STT3B: variants seen among roughly 807,000 people sequenced by gnomAD.
The protein encoded by STT3B is dolichyl-diphosphooligosaccharide--protein glycosyltransferase subunit STT3B.
In STT3B, 29 loss-of-function variants were observed where a neutral mutation model predicts 96.8. The ratio of observed to expected loss-of-function variants is 0.30; its 90% CI spans 0.22 to 0.41. The LOEUF (loss-of-function observed/expected upper bound fraction) is 0.41, where lower values mean the gene tolerates loss of function less well. STT3B is among the 10% of genes least tolerant of loss of function. The pLI, the probability that STT3B is intolerant of heterozygous loss-of-function variation, is 1.00. For missense variants in STT3B, 640 were observed against 1,022.3 expected (o/e 0.63, Z 5.10); for synonymous variants, 367 against 360.0 (o/e 1.02, Z -0.22).
At chr3:31,553,019 G>A (rs1163929121) in intron 1 of STT3B, among the ~76,000 whole-genome samples, 33 of 150,538 alleles carry the variant, frequency 2.2e-4, no homozygotes, top group African/African-American at 7.1e-4. Flanking sequence ...GGAGAATGGC[G>A]TGAACCCGGG....
chr3:31,538,825 T>A (rs1490675029), intron 1 of STT3B, among the ~76,000 whole-genome samples: 2 of 152,158 alleles, frequency 1.3e-5, no homozygotes, highest in African/African-American at 2.4e-5. Flanking sequence ...GCTTTTTGTA[T>A]TTAAACCAGT....
At chr3:31,555,450 C>G (rs1383727126) in intron 1 of STT3B, among the ~76,000 whole-genome samples, 1 of 152,106 alleles carries the variant, frequency 6.6e-6, no homozygotes, top group African/African-American at 2.4e-5. Flanking sequence ...TGTTGATACA[C>G]TTAATCAAAA....
intron 1 of STT3B, among the ~76,000 whole-genome samples, chr3:31,567,533 C>T (rs1414692439): frequency 6.6e-6 from 1 of 152,138 alleles, no homozygotes; most frequent in East Asian, 1.9e-4. Flanking sequence ...TGTTCTTCCA[C>T]TTAATTTATT....
intron 1 of STT3B, among the ~76,000 whole-genome samples, chr3:31,535,444 T>G (rs1697065733): frequency 6.6e-6 from 1 of 151,994 alleles, no homozygotes; most frequent in African/African-American, 2.4e-5. Context: ...TATGTTTTGG[T>G]CGGGCGCGGT....
At position 31,553,608 on chromosome 3, in the gene STT3B, C is replaced by T. The variant is rs80156381; in HGVS notation, c.314+20296C>T. Among the ~76,000 whole-genome samples, 948 of 152,180 alleles carry T rather than the reference C, an allele frequency of 6.2e-3. 17 individuals are homozygous for T. The highest frequency in any genetic ancestry group is 0.021 in the African/African-American group (879 of 41,500). On this transcript the variant is annotated intron_variant, in intron 1 of 15. Coordinates refer to ENST00000295770, the MANE Select transcript of STT3B (RefSeq NM_178862.3). Reference sequence around the variant, plus strand: ...TCAAAGTATGCTTGGAAAGAAGTGCCTAAAGGTGCATGTGGGAACTTTCAT... The same window carrying T: ...TCAAAGTATGCTTGGAAAGAAGTGCTTAAAGGTGCATGTGGGAACTTTCAT...
At chr3:31,622,070 A>G (rs778721341) in intron 9 of STT3B, 27 bp from the exon 10 acceptor site, 12 of 1,598,326 alleles carry the variant, frequency 7.5e-6, no homozygotes, top group Admixed American at 3.3e-5. Flanking sequence ...TCCCTCCAAC[A>G]TATTGTAAGA....
intron 5 of STT3B, among the ~76,000 whole-genome samples, chr3:31,606,408 A>C (rs1699055246): frequency 6.6e-6 from 1 of 152,204 alleles, no homozygotes; most frequent in East Asian, 1.9e-4. Context: ...GGCCAGGCCC[A>C]GGACCCTCCC....
Position 31,620,274 on chromosome 3 carries a change from CA to C in STT3B, c.1327+461del, listed in dbSNP as rs536047611. The stretch of plus-strand genomic sequence containing the variant: ...TGGGAATCAGAGCGGGACTCTGTCT[CA>C]AAAAAAAAAAAAAAAAGAAAAAAAT... On this transcript the variant is annotated intron_variant, in intron 9 of 15. Transcript: ENST00000295770. 8.4e-3 allele frequency: 677 copies of C among 81,054 alleles called. 4 individuals are homozygous for C. The highest frequency in any genetic ancestry group is 0.026 in the African/African-American group (488 of 18,498). 5.0% of individuals were successfully genotyped at this position (81,054 alleles called of 1,614,324 possible). A position where few individuals can be genotyped will look rare whatever the true frequency, so the allele number is the denominator to read the frequency against.
At chr3:31,546,156 C>T (rs1697407561) in intron 1 of STT3B, among the ~76,000 whole-genome samples, 1 of 152,046 alleles carries the variant, frequency 6.6e-6, no homozygotes, top group African/African-American at 2.4e-5. Flanking sequence ...GGGATTTTGT[C>T]AAAATATGCT....
intron 7 of STT3B, 111 bp downstream of exon 7, chr3:31,617,186 CTTTTTT>C: frequency 2.0e-6 from 1 of 494,862 alleles, no homozygotes; most frequent in Non-Finnish European, 3.1e-6. Context: ...TGATTTTTTT[CTTTTTT>C]TTTTTTTTTG....
chr3:31,624,764 C>CTT, intron 11 of STT3B, 150 bp from the exon 12 acceptor site: 41 of 488,052 alleles, frequency 8.4e-5, no homozygotes, highest in South Asian at 3.1e-4. Flanking sequence ...CATTGTTTCA[C>CTT]TTTTTTTTTT....
At chr3:31,559,882 G>T (rs776716695) in intron 1 of STT3B, among the ~76,000 whole-genome samples, 1 of 151,982 alleles carries the variant, frequency 6.6e-6, no homozygotes, top group Non-Finnish European at 1.5e-5. Context: ...TGTTGGGTGC[G>T]TATATGTTTA....
intron 5 of STT3B, among the ~76,000 whole-genome samples, chr3:31,603,930 A>C (rs1698989434): frequency 6.6e-6 from 1 of 152,146 alleles, no homozygotes; most frequent in South Asian, 2.1e-4. Context: ...CTTTCCAGAT[A>C]CATACAATGA....
intron 1 of STT3B, among the ~76,000 whole-genome samples, chr3:31,534,162 C>T (rs1697025285): frequency 6.6e-6 from 1 of 152,134 alleles, no homozygotes; most frequent in African/African-American, 2.4e-5. Context: ...TGCATTAGTT[C>T]CTTTATTGGT....
Position 31,600,408 on chromosome 3 carries a change from C to A in STT3B, c.826C>A (p.His276Asn). The change falls in exon 5 of 16, where the codon CAT becomes AAT. Residue 276 changes from histidine (H) to asparagine (N), a missense_variant. This residue lies in a region of STT3B where 267 missense variants were observed against 388.3 expected (regional missense o/e 0.69). Transcript: ENST00000295770. ...ATTTATCATCAATCTTATTCCACTGCATGTATTTGTGTTGTTACTGATGCA... is the reference window on the plus strand; with the variant it reads ...ATTTATCATCAATCTTATTCCACTGAATGTATTTGTGTTGTTACTGATGCA... ...YVFIINLIPL[H>N]VFVLLLMQRY... 6.3e-7 allele frequency: 1 copy of A among 1,599,856 alleles called. No homozygotes were observed. Among genetic ancestry groups the A allele is most frequent in the Non-Finnish European group, 8.5e-7 (1 of 1,170,092 alleles).
At chr3:31,537,664 A>G (rs1697136424) in intron 1 of STT3B, among the ~76,000 whole-genome samples, 1 of 152,130 alleles carries the variant, frequency 6.6e-6, no homozygotes, top group Non-Finnish European at 1.5e-5. Context: ...GTAGGACTGC[A>G]TGCCCCTTAC....
At chr3:31,591,662 T>C (rs1384352893) in intron 3 of STT3B, among the ~76,000 whole-genome samples, 1 of 152,112 alleles carries the variant, frequency 6.6e-6, no homozygotes, top group African/African-American at 2.4e-5. Flanking sequence ...TCTCCTCTCC[T>C]CTGTGCTGTT....
At chr3:31,554,256 G>A (rs1316920860) in intron 1 of STT3B, among the ~76,000 whole-genome samples, 2 of 152,050 alleles carry the variant, frequency 1.3e-5, no homozygotes, top group Non-Finnish European at 2.9e-5. Flanking sequence ...GTTTTCTTGT[G>A]AATCCCTTCC....
chr3:31,603,411 G>A (rs753182882), intron 5 of STT3B, among the ~76,000 whole-genome samples: 4 of 151,774 alleles, frequency 2.6e-5, no homozygotes, highest in Non-Finnish European at 5.9e-5. Context: ...ATGGGAGGCC[G>A]TCTCTACTTG....
Sources: gnomAD v4.1 joint callset for allele counts (sites outside exome capture counted in the v4.1 genomes callset) on GRCh38, gnomAD v4.1.1 for gene constraint, gnomAD v4.1.1 regional missense constraint, MANE v1.5 for transcripts, NCBI Gene and HGNC (gene_info 2026-07-23, HGNC 2026-07-21) for gene names.